Variants in PLEKHG7 observed in about 807,000 individuals in gnomAD.
The protein encoded by PLEKHG7 is pleckstrin homology and RhoGEF domain containing G7.
In PLEKHG7, 77 loss-of-function variants were observed where a neutral mutation model predicts 85.2. That is an observed-to-expected ratio of 0.90 (90% CI 0.75 to 1.09). PLEKHG7 has a LOEUF of 1.09. PLEKHG7 is among the 50% of genes least tolerant of loss of function. The probability of loss-of-function intolerance (pLI) is 0.00; values close to 1 mark genes in which losing one functional copy is unlikely to be tolerated. For synonymous variants in PLEKHG7, 301 were observed against 302.4 expected (o/e 1.00, Z 0.05); for missense variants, 777 against 804.3 (o/e 0.97, Z 0.41).
chr12:92,727,831 T>TA (rs1184552415), intron 3 of PLEKHG7, among the ~76,000 whole-genome samples: 2 of 151,714 alleles, frequency 1.3e-5, no homozygotes, highest in African/African-American at 4.8e-5. Context: ...CCTCAGATGA[T>TA]ACGCTCACCT....
rs187723934 is a variant in PLEKHG7, at chr12:92,740,443, A to G, written c.940-410A>G. ...TTAAATATCTACTTTTAATTCCCTG[A>G]AAGTAAAGTATATTTGGGTCTTTTG... On this transcript the variant is annotated intron_variant, in intron 7 of 16. Transcript: ENST00000344636. Among the ~76,000 whole-genome samples, 11 of 152,358 alleles carry G rather than the reference A, an allele frequency of 7.2e-5. No homozygotes were observed. In the East Asian group the frequency reaches 1.3e-3, roughly 19 times the overall value.
intron 3 of PLEKHG7, among the ~76,000 whole-genome samples, chr12:92,715,908 A>T (rs975478524): frequency 2.0e-5 from 3 of 152,274 alleles, no homozygotes; most frequent in South Asian, 4.1e-4. Context: ...CACAAAGCCT[A>T]AAATGTTTAC....
intron 2 of PLEKHG7, 145 bp from the exon 3 acceptor site, chr12:92,707,505 C>A: frequency 6.8e-7 from 1 of 1,467,018 alleles, no homozygotes; most frequent in Non-Finnish European, 9.0e-7. Context: ...GAGAAAGAGC[C>A]AGTTATTCAA....
intron 10 of PLEKHG7, among the ~76,000 whole-genome samples, chr12:92,750,510 A>G (rs1206185430): frequency 2.6e-5 from 4 of 152,188 alleles, no homozygotes; most frequent in African/African-American, 9.7e-5. Flanking sequence ...TTTGACCCTG[A>G]ATACCAGTGC....
chr12:92,761,663 A>AAAGAAAG lies in PLEKHG7; in HGVS notation c.1637-86_1637-80dup, dbSNP rs1491478436. The AAAGAAAG allele has an allele frequency of 2.3e-5, 30 of 1,308,946 alleles. No homozygotes were observed. In the South Asian group the frequency reaches 2.5e-4, roughly 11 times the overall value. The allele number at this position is 1,308,946 out of a possible 1,614,324, so 81.1% of individuals were successfully genotyped here. A position where few individuals can be genotyped will look rare whatever the true frequency, so the allele number is the denominator to read the frequency against. On this transcript the variant is annotated intron_variant, in intron 13 of 16. Transcript: ENST00000344636. The stretch of plus-strand genomic sequence containing the variant: ...GAAAGAAAGAAAGAAAGAAAGAAAG[A>AAAGAAAG]AAGAAAGAAAGAAAGAAAGAAAGGG...
Position 92,741,581 on chromosome 12 carries a change from G to T in PLEKHG7, c.1126G>T (p.Val376Leu), listed in dbSNP as rs370641297. The T allele has an allele frequency of 3.7e-6, 6 of 1,612,110 alleles. No individual in the cohort carries two copies. The South Asian group carries it at 5.5e-5, about 15-fold the overall frequency. The change falls in exon 9 of 17, where the codon GTG (valine) becomes TTG (leucine). Residue 376 changes from valine (V) to leucine (L), a missense_variant. Physicochemically the swap from Val to Leu is conservative, Grantham distance 32. Transcript: ENST00000344636. The stretch of plus-strand genomic sequence containing the variant: ...TTCCTCATCACTGGATTTTATTTCC[G>T]TGCTCACAAAGGTAAACTCCTTCTG... ...EISSSLDFIS[V>L]LTKYFRGSLC...
intron 3 of PLEKHG7, among the ~76,000 whole-genome samples, chr12:92,715,065 TAAAG>T (rs1348552111): frequency 6.7e-6 from 1 of 149,542 alleles, no homozygotes; most frequent in Non-Finnish European, 1.5e-5. Flanking sequence ...GATAGATAGA[TAAAG>T]AGTTTATTAA....
intron 5 of PLEKHG7, among the ~76,000 whole-genome samples, chr12:92,733,056 T>C (rs757984071): frequency 1.5e-4 from 23 of 152,202 alleles, no homozygotes; most frequent in Non-Finnish European, 3.1e-4. Context: ...CAGTTTGGCA[T>C]CAGTTGCTGA....
Position 92,764,107 on chromosome 12 carries a change from A to G in PLEKHG7, c.1783A>G (p.Lys595Glu). 1.2e-6 allele frequency: 2 copies of G among 1,613,352 alleles called. No homozygotes were observed. The highest frequency in any genetic ancestry group is 1.7e-6 in the Non-Finnish European group (2 of 1,179,530). ...TACTCCTGAGTTGCAAGCAGTAATA[A>G]AAGAGGGTGGTTCGTGTACAGTACT... is the stretch of plus-strand genomic sequence containing the variant. ...SLTPELQAVI[K>E]EGGSCTVLDQ... The change falls in exon 15 of 17, where the codon AAA (lysine) becomes GAA (glutamate). Residue 595 changes from lysine (K) to glutamate (E), a missense_variant. Lys to Glu is a moderately conservative substitution (Grantham distance 56). Coordinates refer to ENST00000344636, the MANE Select transcript of PLEKHG7 (RefSeq NM_001377329.1).
At chr12:92,736,148 C>T (rs1872139319) in intron 5 of PLEKHG7, among the ~76,000 whole-genome samples, 1 of 151,982 alleles carries the variant, frequency 6.6e-6, no homozygotes. Context: ...AAAGTTAAGA[C>T]TGTGAAGGCT....
At chr12:92,725,601 G>A (rs565111587) in intron 3 of PLEKHG7, among the ~76,000 whole-genome samples, 1 of 152,286 alleles carries the variant, frequency 6.6e-6, no homozygotes, top group African/African-American at 2.4e-5. Context: ...ACTTCTTGGA[G>A]GAAGCAGCCT....
chr12:92,704,779 T>C (rs1871183660), intron 1 of PLEKHG7, among the ~76,000 whole-genome samples: 1 of 152,256 alleles, frequency 6.6e-6, no homozygotes, highest in Non-Finnish European at 1.5e-5. Context: ...GGTCTCACTA[T>C]GTTGCCCAGG....
intron 3 of PLEKHG7, among the ~76,000 whole-genome samples, chr12:92,709,008 GA>G (rs1025536249): frequency 5.2e-4 from 79 of 151,756 alleles, no homozygotes; most frequent in Non-Finnish European, 8.8e-4. Flanking sequence ...GGTAGTCTTA[GA>G]AAAAAAAATT....
Position 92,754,213 on chromosome 12 carries a change from G to C in PLEKHG7, c.1375G>C (p.Ala459Pro). ...TATCTGGAAAAGGAGCATGGACTCT[G>C]CTGAGAAAATCATGATCTACTCCAT... The part of the protein sequence containing the change: ...KNIWKRSMDS[A>P]EKIMIYSIKE... The change falls in exon 11 of 17, where the codon GCT becomes CCT. Residue 459 changes from alanine to proline, a missense_variant. By Grantham distance (27) the Ala-to-Pro change is conservative (BLOSUM62 -1). Around this residue, in one of 3 missense-constraint regions of PLEKHG7, gnomAD observed 520 missense variants for 544.0 expected, o/e 0.96. Coordinates refer to ENST00000344636, the MANE Select transcript of PLEKHG7 (RefSeq NM_001377329.1). 1 of 1,614,004 alleles carries C rather than the reference G, an allele frequency of 6.2e-7. No individual in the cohort carries two copies. The highest frequency in any genetic ancestry group is 1.7e-4 in the Middle Eastern group (1 of 6,060).
intron 9 of PLEKHG7, among the ~76,000 whole-genome samples, chr12:92,742,806 G>A (rs375087071): frequency 3.3e-5 from 5 of 152,004 alleles, no homozygotes; most frequent in East Asian, 1.9e-4. Context: ...GGCTGGTCTC[G>A]AATTCCCTCC....
At chr12:92,763,234 A>C (rs1185769765) in intron 14 of PLEKHG7, among the ~76,000 whole-genome samples, 1 of 152,136 alleles carries the variant, frequency 6.6e-6, no homozygotes, top group Middle Eastern at 3.2e-3. Context: ...TGCAGGTCAC[A>C]ATTTTTAATT....
At position 92,737,523 on chromosome 12, in the gene PLEKHG7, T is replaced by G; in HGVS notation, c.939+2T>G. ...GACCATTTATTAGTTCTTAAGATGG[T>G]AATGCCAGGCTTAATTTTTGTAGTA... is the stretch of plus-strand genomic sequence containing the variant. On this transcript the variant is annotated splice_donor_variant, in intron 7 of 16. Coordinates refer to ENST00000344636, the MANE Select transcript of PLEKHG7 (RefSeq NM_001377329.1). LOFTEE classifies it high-confidence loss of function. 3 of 1,607,716 alleles carry G rather than the reference T, an allele frequency of 1.9e-6. No individual in the cohort carries two copies. Among genetic ancestry groups the G allele is most frequent in the Non-Finnish European group, 2.5e-6 (3 of 1,178,598 alleles).
In PLEKHG7 at chr12:92,728,917, A is replaced by G. The variant is rs904819927; in HGVS notation, c.531-76A>G. ...CCACGCCAACATCTGTTGTTTTTTT[A>G]CTTTTTAAAAATAGCCATTCTGAGT... On this transcript the variant is annotated intron_variant, in intron 3 of 16. Coordinates refer to ENST00000344636, the MANE Select transcript of PLEKHG7 (RefSeq NM_001377329.1). The G allele has an allele frequency of 1.9e-5, 21 of 1,128,686 alleles. No homozygotes were observed. The East Asian group carries it at 5.1e-4, about 28-fold the overall frequency. The allele number at this position is 1,128,686 out of a possible 1,614,324, so 69.9% of individuals were successfully genotyped here. A position where few individuals can be genotyped will look rare whatever the true frequency, so the allele number is the denominator to read the frequency against.
At chr12:92,713,991 C>A (rs1490713768) in intron 3 of PLEKHG7, among the ~76,000 whole-genome samples, 2 of 152,204 alleles carry the variant, frequency 1.3e-5, no homozygotes, top group African/African-American at 4.8e-5. Flanking sequence ...AATTCCCATG[C>A]CTGTTCTCCA....
Sources: allele counts gnomAD v4.1 joint callset (sites outside exome capture counted in the v4.1 genomes callset), GRCh38; gene constraint gnomAD v4.1.1; regional missense constraint gnomAD v4.1.1; transcripts MANE v1.5; gene names NCBI Gene and HGNC (gene_info 2026-07-23, HGNC 2026-07-21).